The following XYLT1 variants were observed in gnomAD, a reference collection of about 807,000 sequenced individuals.
XYLT1 encodes xylosyltransferase 1, also known as beta-D-xylosyltransferase 1.
Under a neutral mutation model 91.3 loss-of-function variants are expected in XYLT1, and 36 were observed. The observed-to-expected ratio is 0.39, with a 90% CI of 0.30 to 0.52. The LOEUF is 0.52. Among genes scored for constraint, XYLT1 ranks in the 20% least tolerant of loss-of-function variants. XYLT1 has a pLI of 0.68. For synonymous variants in XYLT1, 588 were observed against 532.0 expected (o/e 1.11, Z -1.45); for missense variants, 1,242 against 1,284.5 (o/e 0.97, Z 0.51).
intron 1 of XYLT1, among the ~76,000 whole-genome samples, chr16:17,406,988 T>G (rs1418347310): frequency 6.6e-6 from 1 of 151,776 alleles, no homozygotes; most frequent in Non-Finnish European, 1.5e-5. Context: ...TTTTGCTGCT[T>G]CTTTATTTTT....
At chr16:17,397,431 C>T (rs1331090672) in intron 1 of XYLT1, among the ~76,000 whole-genome samples, 1 of 152,160 alleles carries the variant, frequency 6.6e-6, no homozygotes, top group East Asian at 1.9e-4. Flanking sequence ...TAATAAACCG[C>T]CTTTCCGGCT....
chr16:17,131,571 T>A (rs1199142552), intron 9 of XYLT1, among the ~76,000 whole-genome samples: 1 of 152,156 alleles, frequency 6.6e-6, no homozygotes, highest in Non-Finnish European at 1.5e-5. Flanking sequence ...GGAGGGCATT[T>A]GGGGACCTGC....
At chr16:17,400,461 G>A (rs1229767755) in intron 1 of XYLT1, among the ~76,000 whole-genome samples, 9 of 151,990 alleles carry the variant, frequency 5.9e-5, no homozygotes, top group African/African-American at 7.2e-5. Context: ...GTGGTGGCAC[G>A]CGCCTGTAAT....
At chr16:17,305,002 T>C (rs73529392) in intron 2 of XYLT1, among the ~76,000 whole-genome samples, 1,629 of 152,278 alleles carry the variant, frequency 0.011, 31 homozygotes, top group African/African-American at 0.037. Flanking sequence ...CTGGAAGTCC[T>C]TGCATGTTTA....
chr16:17,232,435 A>T (rs943347431), intron 3 of XYLT1, among the ~76,000 whole-genome samples: 1 of 119,298 alleles, frequency 8.4e-6, no homozygotes. Flanking sequence ...GTGTGTATAT[A>T]TATATATATA....
At chr16:17,219,639 CT>C (rs927575908) in intron 3 of XYLT1, among the ~76,000 whole-genome samples, 1 of 152,100 alleles carries the variant, frequency 6.6e-6, no homozygotes, top group Non-Finnish European at 1.5e-5. Flanking sequence ...GAATACTTTT[CT>C]TTTCTTTCTT....
At chr16:17,381,704 GGT>G (rs1257518481) in intron 1 of XYLT1, among the ~76,000 whole-genome samples, 6 of 152,236 alleles carry the variant, frequency 3.9e-5, no homozygotes, top group African/African-American at 1.4e-4. Flanking sequence ...TGGGAATACA[GGT>G]GTGAGCCACT....
chr16:17,134,946 A>ATGATTGAT (rs10623546), intron 8 of XYLT1, among the ~76,000 whole-genome samples: 1 of 151,802 alleles, frequency 6.6e-6, no homozygotes, highest in Non-Finnish European at 1.5e-5. Flanking sequence ...ATCTAAAGCA[A>ATGATTGAT]TGATAGGCAC....
intron 1 of XYLT1, among the ~76,000 whole-genome samples, chr16:17,465,234 C>T (rs1051158035): frequency 6.9e-6 from 1 of 145,816 alleles, no homozygotes; most frequent in Admixed American, 6.9e-5. Context: ...AGGAACGCAA[C>T]TCGGAAAGGT....
chr16:17,192,677 A>G (rs1467540412), intron 5 of XYLT1, among the ~76,000 whole-genome samples: 1 of 152,186 alleles, frequency 6.6e-6, no homozygotes, highest in Non-Finnish European at 1.5e-5. Flanking sequence ...GCAGAGCAGG[A>G]GCACCTAGAG....
chr16:17,152,268 C>G (rs138953546), intron 6 of XYLT1, among the ~76,000 whole-genome samples: 1 of 152,204 alleles, frequency 6.6e-6, no homozygotes, highest in Non-Finnish European at 1.5e-5. Flanking sequence ...TAAAAACACA[C>G]GCTGAGGCCC....
chr16:17,203,386 C>T lies in XYLT1; in HGVS notation c.914-2732G>A, dbSNP rs183526243. Among the ~76,000 whole-genome samples, 6 of 151,658 alleles carry T rather than the reference C, an allele frequency of 4.0e-5. No individual in the cohort carries two copies. In the East Asian group the frequency reaches 9.7e-4, roughly 25 times the overall value. ...TCCACCCATTAATTTATTCATCGAT[C>T]GAAATCCAACCACTCATCCATTCAT... On this transcript the variant is annotated intron_variant, in intron 3 of 11. Transcript: ENST00000261381.
rs77248132 is a variant in XYLT1, at chr16:17,275,661, T to C, written c.403-16163A>G. Among the ~76,000 whole-genome samples the C allele has an allele frequency of 4.7e-3, 713 of 152,300 alleles. 2 individuals carry two copies. Among genetic ancestry groups the C allele is most frequent in the Non-Finnish European group, 8.1e-3 (548 of 68,024 alleles). On this transcript the variant is annotated intron_variant, in intron 2 of 11. Coordinates refer to ENST00000261381, the MANE Select transcript of XYLT1 (RefSeq NM_022166.4). ...ATATTCTATTTGTCCCCTGGTTTTATTTCCCTATACACCTTCTCTGTCTCT... is the reference window on the plus strand; with the variant it reads ...ATATTCTATTTGTCCCCTGGTTTTACTTCCCTATACACCTTCTCTGTCTCT...
intron 1 of XYLT1, among the ~76,000 whole-genome samples, chr16:17,410,922 G>A (rs568274223): frequency 2.0e-5 from 3 of 152,254 alleles, no homozygotes; most frequent in Admixed American, 6.5e-5. Context: ...GATTACAGGC[G>A]TGAGCCACCA....
At chr16:17,468,552 C>T (rs2036931409) in intron 1 of XYLT1, among the ~76,000 whole-genome samples, 1 of 152,182 alleles carries the variant, frequency 6.6e-6, no homozygotes, top group African/African-American at 2.4e-5. Context: ...TTCCCACCTA[C>T]CTCCCCAACC....
At chr16:17,279,425 C>T (rs1357575455) in intron 2 of XYLT1, among the ~76,000 whole-genome samples, 3 of 152,188 alleles carry the variant, frequency 2.0e-5, no homozygotes, top group African/African-American at 7.2e-5. Flanking sequence ...GGTGAAGACA[C>T]TTCCTTAAGG....
At chr16:17,323,455 G>A (rs1321764262) in intron 2 of XYLT1, among the ~76,000 whole-genome samples, 1 of 152,154 alleles carries the variant, frequency 6.6e-6, no homozygotes, top group African/African-American at 2.4e-5. Context: ...GCTGGATCAC[G>A]CTGATTAAAC....
intron 3 of XYLT1, among the ~76,000 whole-genome samples, chr16:17,225,044 T>C (rs1283712374): frequency 2.6e-5 from 4 of 152,184 alleles, no homozygotes; most frequent in African/African-American, 7.2e-5. Flanking sequence ...TGCCAGTCCC[T>C]GGTTTAACAG....
At chr16:17,408,562 T>C (rs892141199) in intron 1 of XYLT1, among the ~76,000 whole-genome samples, 2 of 152,220 alleles carry the variant, frequency 1.3e-5, no homozygotes, top group African/African-American at 4.8e-5. Context: ...GCTAAAAGAA[T>C]AGGCCGGGGA....
Sources: allele counts gnomAD v4.1 joint callset (sites outside exome capture counted in the v4.1 genomes callset), GRCh38; gene constraint gnomAD v4.1.1; transcripts MANE v1.5; gene names NCBI Gene and HGNC (gene_info 2026-07-23, HGNC 2026-07-21).